SRD5A2: variants seen among roughly 807,000 people sequenced by gnomAD.
SRD5A2 encodes the protein steroid 5 alpha-reductase 2.
Under a neutral mutation model 27.4 loss-of-function variants are expected in SRD5A2, and 30 were observed. The ratio of observed to expected loss-of-function variants is 1.10; its 90% CI spans 0.82 to 1.49. The LOEUF (loss-of-function observed/expected upper bound fraction) is 1.49. Among genes scored for constraint, SRD5A2 ranks in the 40% most tolerant of loss-of-function variants. SRD5A2 has a pLI of 0.00. For synonymous variants in SRD5A2, 141 were observed against 133.6 expected, an observed-to-expected ratio of 1.06 and a Z score of -0.38; for missense variants, 348 against 323.4, an observed-to-expected ratio of 1.08 and a Z score of -0.58.
the SRD5A2 span, among the ~76,000 whole-genome samples, chr2:31,640,485 T>A: frequency 1.3e-5 from 2 of 152,194 alleles, no homozygotes; most frequent in East Asian, 3.8e-4. Flanking sequence ...TGGTTTTCAT[T>A]TAGTATATTT....
chr2:31,571,767 A>G (rs1182469529), intron 1 of SRD5A2, among the ~76,000 whole-genome samples: 2 of 152,258 alleles, frequency 1.3e-5, no homozygotes, highest in Admixed American at 1.3e-4. Flanking sequence ...ATATGAAAAA[A>G]TGCTCGGCAT....
chr2:31,524,724 C>CAAA lies in SRD5A2; in HGVS notation c.*1471_*1472insTTT, dbSNP rs1665735057. 1 of 230,534 alleles carries CAAA rather than the reference C, an allele frequency of 4.3e-6. No homozygotes were observed. The highest frequency in any genetic ancestry group is 8.6e-6 in the Non-Finnish European group (1 of 116,414). 14.3% of individuals were successfully genotyped at this position (230,534 alleles called of 1,614,324 possible). ...TATAGTGAGTTTCTGTGCTTAGTAC[C>CAAA]ACTGGTGCTCATTTGTCAAAACAGT... On this transcript the variant is annotated 3_prime_UTR_variant, in exon 5 of 5. Coordinates refer to ENST00000622030, the MANE Select transcript of SRD5A2 (RefSeq NM_000348.4).
At chr2:31,621,438 T>C in the SRD5A2 span, among the ~76,000 whole-genome samples, 1 of 152,148 alleles carries the variant, frequency 6.6e-6, no homozygotes, top group Non-Finnish European at 1.5e-5. Flanking sequence ...AAATATTTTG[T>C]TCATATTTAT....
the SRD5A2 span, among the ~76,000 whole-genome samples, chr2:31,587,131 CAT>C: frequency 1.3e-5 from 2 of 152,074 alleles, no homozygotes; most frequent in African/African-American, 4.8e-5. Context: ...GGCCAACAAA[CAT>C]ATGAAAAAAA....
chr2:31,655,516 C>G, the SRD5A2 span, among the ~76,000 whole-genome samples: 1 of 152,150 alleles, frequency 6.6e-6, no homozygotes, highest in African/African-American at 2.4e-5. Context: ...CAGTATTTTG[C>G]ATAGAGGAGA....
chr2:31,616,319 T>C, the SRD5A2 span, among the ~76,000 whole-genome samples: 489 of 152,244 alleles, frequency 3.2e-3, 26 homozygotes, highest in East Asian at 0.083. Context: ...AGGGCCACCA[T>C]CCTCCAGATC....
intron 1 of SRD5A2, among the ~76,000 whole-genome samples, chr2:31,541,930 G>A (rs574737593): frequency 6.6e-6 from 1 of 152,218 alleles, no homozygotes; most frequent in Non-Finnish European, 1.5e-5. Context: ...CCCAGCAGCT[G>A]GAACTTGAAT....
the SRD5A2 span, among the ~76,000 whole-genome samples, chr2:31,655,937 A>G: frequency 6.6e-6 from 1 of 152,220 alleles, no homozygotes; most frequent in African/African-American, 2.4e-5. Context: ...GTGAGGGGAC[A>G]CATCTTAAAC....
At chr2:31,547,424 T>C (rs1041514583) in intron 1 of SRD5A2, among the ~76,000 whole-genome samples, 19 of 152,202 alleles carry the variant, frequency 1.2e-4, no homozygotes, top group Non-Finnish European at 1.8e-4. Flanking sequence ...CTGGAAGAGA[T>C]TGGCATTTGA....
At chr2:31,648,314 ATT>A in the SRD5A2 span, among the ~76,000 whole-genome samples, 2 of 152,234 alleles carry the variant, frequency 1.3e-5, no homozygotes, top group Admixed American at 1.3e-4. Context: ...TTCCATTTGG[ATT>A]ACATATATGA....
intron 4 of SRD5A2, among the ~76,000 whole-genome samples, chr2:31,528,909 C>T (rs893394654): frequency 2.0e-5 from 3 of 152,188 alleles, no homozygotes; most frequent in Non-Finnish European, 2.9e-5. Context: ...CGGCTTCTTC[C>T]GCTTCTTGAG....
At chr2:31,554,803 C>T (rs571578597) in intron 1 of SRD5A2, among the ~76,000 whole-genome samples, 17 of 152,132 alleles carry the variant, frequency 1.1e-4, no homozygotes, top group African/African-American at 4.1e-4. Context: ...TGTTTCAGGA[C>T]CATGAAAAAT....
chr2:31,601,551 C>T, the SRD5A2 span, among the ~76,000 whole-genome samples: 2 of 152,038 alleles, frequency 1.3e-5, no homozygotes, highest in South Asian at 4.1e-4. Context: ...AGGGACTCCT[C>T]CCTAACCCAT....
chr2:31,567,026 TTTCC>T (rs1346540035), intron 1 of SRD5A2, among the ~76,000 whole-genome samples: 4 of 152,214 alleles, frequency 2.6e-5, no homozygotes, highest in Admixed American at 6.5e-5. Flanking sequence ...CATATATTTA[TTTCC>T]ATACACAGAT....
the SRD5A2 span, among the ~76,000 whole-genome samples, chr2:31,643,864 A>C: frequency 7.2e-5 from 11 of 152,336 alleles, no homozygotes; most frequent in South Asian, 2.1e-3. Context: ...AAATGGGGAG[A>C]GGAACACTTC....
At chr2:31,599,876 GT>G in the SRD5A2 span, among the ~76,000 whole-genome samples, 5 of 151,874 alleles carry the variant, frequency 3.3e-5, no homozygotes, top group Admixed American at 6.6e-5. Context: ...GAGCAGGTTT[GT>G]TACGTAGGTA....
At chr2:31,592,763 T>A in the SRD5A2 span, among the ~76,000 whole-genome samples, 1 of 152,202 alleles carries the variant, frequency 6.6e-6, no homozygotes, top group East Asian at 1.9e-4. Context: ...GAACCAGAGA[T>A]GACAAAACAA....
intron 1 of SRD5A2, among the ~76,000 whole-genome samples, chr2:31,544,019 G>GA (rs1399321331): frequency 3.3e-5 from 5 of 151,778 alleles, no homozygotes; most frequent in Non-Finnish European, 7.4e-5. Context: ...AAATGGAAAT[G>GA]AAAAAAGAGC....
At chr2:31,566,025 CA>C (rs1277643953) in intron 1 of SRD5A2, among the ~76,000 whole-genome samples, 1 of 151,976 alleles carries the variant, frequency 6.6e-6, no homozygotes, top group Admixed American at 6.6e-5. Context: ...TCTCTATCCA[CA>C]GTGGAATTAA....
Sources: allele counts gnomAD v4.1 joint callset (sites outside exome capture counted in the v4.1 genomes callset), GRCh38; gene constraint gnomAD v4.1.1; transcripts MANE v1.5; gene names NCBI Gene and HGNC (gene_info 2026-07-23, HGNC 2026-07-21).